CNIH3: variants seen among roughly 807,000 people sequenced by gnomAD.
The protein encoded by CNIH3 is protein cornichon homolog 3.
Under a neutral mutation model 24.1 loss-of-function variants are expected in CNIH3, and 14 were observed. The ratio of observed to expected loss-of-function variants is 0.58; its 90% confidence interval spans 0.38 to 0.91. CNIH3 has a LOEUF of 0.91. Ranked by LOEUF, CNIH3 falls within the 40% of genes least tolerant of loss-of-function variation. The pLI is 0.00. For missense variants in CNIH3, 178 were observed against 196.8 expected, an observed-to-expected ratio of 0.90 and a Z score of 0.57; for synonymous variants, 68 against 73.8, an observed-to-expected ratio of 0.92 and a Z score of 0.40.
chr1:224,436,972 C>T (rs1233336383), intron 1 of CNIH3: 1 of 152,238 alleles, frequency 6.6e-6, no homozygotes, highest in African/African-American at 2.4e-5. Flanking sequence ...TGATGCCAGT[C>T]AGTCTTTCAA....
At chr1:224,574,966 T>A in intron 4 of CNIH3, 1 of 890,134 alleles carries the variant, frequency 1.1e-6, no homozygotes, top group Non-Finnish European at 1.9e-6. Flanking sequence ...AAACCTGACT[T>A]AAAGTATAAG....
At position 224,739,357 on chromosome 1, in the gene CNIH3, C is replaced by T. The variant is rs141572388; in HGVS notation, c.*1C>T. On this transcript the variant is annotated 3_prime_UTR_variant, in exon 6 of 6. Transcript: ENST00000272133. ...GATCTACACTTTAGTGAGCTCTTAACGCAAAGACCATGCACATCATCAGAG... is the reference window on the plus strand; with the variant it reads ...GATCTACACTTTAGTGAGCTCTTAATGCAAAGACCATGCACATCATCAGAG... 28 of 1,441,818 alleles carry T rather than the reference C, an allele frequency of 1.9e-5. No homozygotes were observed. Among genetic ancestry groups the T allele is most frequent in the East Asian group, 1.2e-4 (4 of 33,044 alleles). The allele number at this position is 1,441,818 out of a possible 1,614,324, so 89.3% of individuals were successfully genotyped here. A position where few individuals can be genotyped will look rare whatever the true frequency, so the allele number is the denominator to read the frequency against.
At chr1:224,439,390 T>C (rs1674797472) in intron 1 of CNIH3, among the ~76,000 whole-genome samples, 1 of 152,178 alleles carries the variant, frequency 6.6e-6, no homozygotes, top group African/African-American at 2.4e-5. Context: ...CTCATGTTCT[T>C]GAGACCCATT....
intron 1 of CNIH3, among the ~76,000 whole-genome samples, chr1:224,479,644 A>AG (rs2103009527): frequency 6.6e-6 from 1 of 152,366 alleles, no homozygotes; most frequent in East Asian, 1.9e-4. Context: ...GCCAAAACAA[A>AG]GGGGCTACAG....
chr1:224,676,306 G>A (rs193291005), intron 1 of CNIH3, among the ~76,000 whole-genome samples: 6 of 152,300 alleles, frequency 3.9e-5, no homozygotes, highest in African/African-American at 1.4e-4. Context: ...GGCAAAACTA[G>A]AGGGATGGAG....
chr1:224,708,301 A>G (rs920992267), intron 3 of CNIH3, among the ~76,000 whole-genome samples: 1 of 151,976 alleles, frequency 6.6e-6, no homozygotes, highest in Non-Finnish European at 1.5e-5. Flanking sequence ...CTCACTCTGG[A>G]GCATATCCAG....
chr1:224,578,368 C>T (rs1681126543), intron 4 of CNIH3, among the ~76,000 whole-genome samples: 1 of 152,186 alleles, frequency 6.6e-6, no homozygotes, highest in African/African-American at 2.4e-5. Flanking sequence ...ACAATTTCAT[C>T]TTCTTGATGA....
chr1:224,631,129 C>G lies in CNIH3; in HGVS notation c.81+13874C>G, dbSNP rs189544266. 4.3e-3 allele frequency among the ~76,000 whole-genome samples: 656 copies of G among 152,200 alleles called. 9 individuals are homozygous for G. The highest frequency in any genetic ancestry group is 0.015 in the African/African-American group (625 of 41,520). On this transcript the variant is annotated intron_variant, in intron 1 of 5. Transcript: ENST00000272133. ...GGTGAGCTGAGATTGTGTCACTGCA[C>G]TCTATCCTGGGCGACAGAGTGAGAC...
At chr1:224,465,352 G>A (rs530902604) in intron 1 of CNIH3, among the ~76,000 whole-genome samples, 26 of 152,220 alleles carry the variant, frequency 1.7e-4, no homozygotes, top group African/African-American at 4.6e-4. Context: ...CAGGTCATCT[G>A]CCCACCTTGG....
Position 224,684,362 on chromosome 1 carries a change from A to G in CNIH3, c.151-434A>G, listed in dbSNP as rs1306205723. ...CAGGCAGAGAACTTGTCTACCTTAG[A>G]TACTAATGAGGGCACATACGCTCTT... On this transcript the variant is annotated intron_variant, in intron 2 of 5. Coordinates refer to ENST00000272133, the MANE Select transcript of CNIH3 (RefSeq NM_152495.2). The surrounding 1 kb of genome is among the most constrained non-coding windows in gnomAD (Gnocchi z 4.2). Among the ~76,000 whole-genome samples, 1 of 152,218 alleles carries G rather than the reference A, an allele frequency of 6.6e-6. No individual in the cohort carries two copies. The highest frequency in any genetic ancestry group is 1.5e-5 in the Non-Finnish European group (1 of 68,038).
intron 1 of CNIH3, among the ~76,000 whole-genome samples, chr1:224,481,922 C>A (rs1388199425): frequency 6.6e-6 from 1 of 152,360 alleles, no homozygotes; most frequent in Non-Finnish European, 1.5e-5. Context: ...GTGCTCTATT[C>A]TACTGTGGCT....
intron 5 of CNIH3, among the ~76,000 whole-genome samples, 174 bp from the exon 6 acceptor site, chr1:224,739,155 T>C (rs1689744612): frequency 6.6e-6 from 1 of 151,976 alleles, no homozygotes; most frequent in Admixed American, 6.6e-5. Flanking sequence ...TTGTGGGAAG[T>C]AGAAGGGGCA....
chr1:224,482,140 T>C (rs1044281519), intron 1 of CNIH3, among the ~76,000 whole-genome samples: 6 of 152,160 alleles, frequency 3.9e-5, no homozygotes, highest in Non-Finnish European at 2.9e-5. Flanking sequence ...GGGCAGTGGG[T>C]TCCCCTCTGG....
chr1:224,650,922 C>G (rs1046871611), intron 1 of CNIH3, among the ~76,000 whole-genome samples: 5 of 152,106 alleles, frequency 3.3e-5, no homozygotes, highest in African/African-American at 4.8e-5. Flanking sequence ...GTACAGAGCC[C>G]AGGTGCTCAG....
chr1:224,520,910 A>AGGT (rs1558126626), intron 1 of CNIH3: 2 of 152,252 alleles, frequency 1.3e-5, no homozygotes, highest in Non-Finnish European at 2.9e-5. Flanking sequence ...AGCATCCTGG[A>AGGT]GGTGGTATTT....
At position 224,737,905 on chromosome 1, in the gene CNIH3, A is replaced by G. The variant is rs1313553066; in HGVS notation, c.456-1424A>G. 2.0e-5 allele frequency among the ~76,000 whole-genome samples: 3 copies of G among 152,352 alleles called. 1 individual carries two copies. Among genetic ancestry groups the G allele is most frequent in the South Asian group, 4.1e-4 (2 of 4,822 alleles). ...TAGAAGGGGACTAGCTAATGCAGAT[A>G]CTAATACTAGCTAGTGAGCCCAGTG... is the stretch of plus-strand genomic sequence containing the variant. On this transcript the variant is annotated intron_variant, in intron 5 of 5. Transcript: ENST00000272133.
intron 2 of CNIH3, among the ~76,000 whole-genome samples, chr1:224,532,470 C>T (rs1471023615): frequency 6.6e-6 from 1 of 152,140 alleles, no homozygotes; most frequent in Non-Finnish European, 1.5e-5. Context: ...GGAAGCAGCA[C>T]CAGCAGAGGC....
In CNIH3 at chr1:224,727,570, C is replaced by A. The variant is rs559124222; in HGVS notation, c.199-2892C>A. 1.8e-4 allele frequency among the ~76,000 whole-genome samples: 27 copies of A among 152,312 alleles called. No individual in the cohort carries two copies. In the East Asian group the frequency reaches 2.9e-3, roughly 16 times the overall value. ...ACCCCTGAGAGCTGGAAAATGAGACCTTACCACCTTCCAGAAGGCTGAGTG... is the reference window on the plus strand; with the variant it reads ...ACCCCTGAGAGCTGGAAAATGAGACATTACCACCTTCCAGAAGGCTGAGTG... On this transcript the variant is annotated intron_variant, in intron 3 of 5. Transcript: ENST00000272133.
intron 1 of CNIH3, among the ~76,000 whole-genome samples, chr1:224,460,759 G>A (rs1174296642): frequency 1.4e-5 from 2 of 143,672 alleles, no homozygotes; most frequent in Non-Finnish European, 3.0e-5. Context: ...TAGATCATGT[G>A]GTAGGTTTTT....
Sources: allele counts gnomAD v4.1 joint callset (sites outside exome capture counted in the v4.1 genomes callset), GRCh38; gene constraint gnomAD v4.1.1; non-coding constraint Gnocchi (gnomAD v3.1); transcripts MANE v1.5; gene names NCBI Gene and HGNC (gene_info 2026-07-23, HGNC 2026-07-21).